The following IDE variants were observed in gnomAD, a reference collection of about 807,000 sequenced individuals.
IDE encodes the protein insulin degrading enzyme, also known as insulin-degrading enzyme.
IDE carries 58 observed loss-of-function variants against 133.2 expected under a neutral mutation model. The observed-to-expected ratio is 0.44, with a 90% CI of 0.35 to 0.54. IDE has a LOEUF of 0.54. IDE is among the 20% of genes least tolerant of loss of function. The pLI, the probability that IDE is intolerant of heterozygous loss-of-function variation, is 0.00. For synonymous variants in IDE, 396 were observed against 421.3 expected (o/e 0.94, Z 0.73); for missense variants, 981 against 1,234.0 (o/e 0.79, Z 3.07).
intron 22 of IDE, among the ~76,000 whole-genome samples, chr10:92,460,901 C>T (rs919914153): frequency 7.2e-5 from 11 of 152,188 alleles, no homozygotes; most frequent in African/African-American, 2.4e-4. Context: ...AGTGCAGTGG[C>T]ATGATCTCCA....
chr10:92,474,733 A>C, intron 17 of IDE, 108 bp downstream of exon 17: 1 of 977,918 alleles, frequency 1.0e-6, no homozygotes, highest in East Asian at 2.7e-5. Flanking sequence ...GCCAGCTTTA[A>C]TAGAACTACA....
rs140884087 is a variant in IDE at position 92,490,554 on chromosome 10, C to T, written c.1472G>A (p.Arg491His). The change falls in exon 12 of 25, where the codon CGC becomes CAC. Residue 491 changes from arginine (R) to histidine (H), a missense_variant. Arg to His is a conservative substitution (Grantham distance 29). This residue lies in a region of IDE where 660 missense variants were observed against 894.7 expected (regional missense o/e 0.74). Transcript: ENST00000265986. ...CTGGGTTCCATACCACTCTTCTGTG[C>T]GATCAGTTTTTCCTTCAAAAGATTT... ...VSKSFEGKTD[R>H]TEEWYGTQYK... 3.2e-5 allele frequency: 52 copies of T among 1,612,834 alleles called. No homozygotes were observed. In the East Asian group the frequency reaches 3.3e-4, roughly 10 times the overall value.
chr10:92,518,070 G>T (rs1272594851), intron 4 of IDE, among the ~76,000 whole-genome samples: 1 of 151,274 alleles, frequency 6.6e-6, no homozygotes, highest in Admixed American at 6.6e-5. Flanking sequence ...AACTCCTTAG[G>T]GAAAAAAAAA....
At chr10:92,508,273 T>C in intron 7 of IDE, 68 bp from the exon 8 acceptor site, 2 of 1,240,324 alleles carry the variant, frequency 1.6e-6, no homozygotes, top group Non-Finnish European at 2.3e-6. Flanking sequence ...AAGAAAAATT[T>C]TAAAAATTCA....
chr10:92,475,382 T>G (rs1846199806), intron 16 of IDE, among the ~76,000 whole-genome samples: 1 of 152,214 alleles, frequency 6.6e-6, no homozygotes, highest in Non-Finnish European at 1.5e-5. Flanking sequence ...TAGTTTCTTC[T>G]AGTATACAAG....
chr10:92,518,780 T>C (rs2135586041), intron 4 of IDE, among the ~76,000 whole-genome samples: 1 of 152,146 alleles, frequency 6.6e-6, no homozygotes, highest in Non-Finnish European at 1.5e-5. Flanking sequence ...AATGAAAAAA[T>C]ACAAGCGGCA....
At chr10:92,487,364 A>G (rs1847064428) in intron 12 of IDE, 46 bp from the exon 13 acceptor site, 3 of 1,552,188 alleles carry the variant, frequency 1.9e-6, no homozygotes, top group African/African-American at 1.4e-5. Flanking sequence ...GTCTGATTTA[A>G]GAGTTTAAAA....
In IDE at chr10:92,474,921, T is replaced by C; in HGVS notation, c.2036A>G (p.His679Arg). The part of the protein sequence containing the change: ...SLNNFRAEQP[H>R]QHAMYYLRLL... Reference sequence around the variant, plus strand: ...GCGGAGGTAGTACATGGCATGCTGGTGAGGCTGTTCAGCCCGGAAATTGTT... The same window carrying C: ...GCGGAGGTAGTACATGGCATGCTGGCGAGGCTGTTCAGCCCGGAAATTGTT... The change falls in exon 17 of 25, where the codon CAC (histidine) becomes CGC (arginine). Residue 679 changes from histidine (H) to arginine (R), a missense_variant. This residue lies in a region of IDE where 660 missense variants were observed against 894.7 expected (regional missense o/e 0.74). Coordinates refer to ENST00000265986, the MANE Select transcript of IDE (RefSeq NM_004969.4). 1 of 1,613,410 alleles carries C rather than the reference T, an allele frequency of 6.2e-7. No individual in the cohort carries two copies. Among genetic ancestry groups the C allele is most frequent in the Non-Finnish European group, 8.5e-7 (1 of 1,179,400 alleles).
Position 92,470,343 on chromosome 10 carries a change from C to T in IDE, c.2119G>A (p.Val707Ile), listed in dbSNP as rs1358711958. The change falls in exon 18 of 25, where the codon GTA becomes ATA. Residue 707 changes from valine (V) to isoleucine (I), a missense_variant and splice_region_variant. Physicochemically the swap from Val to Ile is conservative, Grantham distance 29. Coordinates refer to ENST00000265986, the MANE Select transcript of IDE (RefSeq NM_004969.4). Reference sequence around the variant, plus strand: ...AAGGCCTTAAGGCGAGGAAGGGTTACATCTGCAAAGGTGTAAGAAGACATA... The same window carrying T: ...AAGGCCTTAAGGCGAGGAAGGGTTATATCTGCAAAGGTGTAAGAAGACATA... ...KDELKEALDD[V>I]TLPRLKAFIP... 7 of 1,597,938 alleles carry T rather than the reference C, an allele frequency of 4.4e-6. No individual in the cohort carries two copies. Among genetic ancestry groups the T allele is most frequent in the Non-Finnish European group, 6.0e-6 (7 of 1,170,580 alleles).
chr10:92,466,235 A>G (rs1313620447), intron 19 of IDE, among the ~76,000 whole-genome samples: 1 of 150,530 alleles, frequency 6.6e-6, no homozygotes, highest in Non-Finnish European at 1.5e-5. Flanking sequence ...TGTCTCAAAA[A>G]AAAAAAAAAA....
chr10:92,481,034 G>T, intron 14 of IDE: 2 of 344,582 alleles, frequency 5.8e-6, no homozygotes, highest in Non-Finnish European at 8.2e-6. Flanking sequence ...TAAATGTTCT[G>T]CCATTAAATT....
chr10:92,526,552 G>C (rs1849631362), intron 4 of IDE, among the ~76,000 whole-genome samples: 1 of 152,100 alleles, frequency 6.6e-6, no homozygotes, highest in Non-Finnish European at 1.5e-5. Context: ...CTGGGGCTTA[G>C]AGAAGTTAAG....
chr10:92,546,908 T>C (rs1842554840), intron 1 of IDE, among the ~76,000 whole-genome samples: 1 of 152,142 alleles, frequency 6.6e-6, no homozygotes, highest in Non-Finnish European at 1.5e-5. Flanking sequence ...CCAAACAACT[T>C]CTAATTCAGG....
At chr10:92,534,515 A>T (rs192235638) in intron 3 of IDE, 63 bp downstream of exon 3, 52 of 908,912 alleles carry the variant, frequency 5.7e-5, no homozygotes, top group Middle Eastern at 5.0e-4. Flanking sequence ...TGGAAATAAT[A>T]ATTATTATTA....
At chr10:92,515,256 AGT>A (rs1848840836) in intron 4 of IDE, among the ~76,000 whole-genome samples, 1 of 151,628 alleles carries the variant, frequency 6.6e-6, no homozygotes, top group Admixed American at 6.6e-5. Context: ...CGGAATTAAA[AGT>A]GTCTTTTTTT....
intron 22 of IDE, among the ~76,000 whole-genome samples, chr10:92,459,559 G>A (rs1204540886): frequency 6.6e-6 from 1 of 152,126 alleles, no homozygotes; most frequent in Non-Finnish European, 1.5e-5. Context: ...AACATTAAGG[G>A]ACAATTCTAA....
At chr10:92,571,271 T>G (rs1318246581) in intron 1 of IDE, among the ~76,000 whole-genome samples, 1 of 152,124 alleles carries the variant, frequency 6.6e-6, no homozygotes, top group East Asian at 1.9e-4. Context: ...GACCTCGCCC[T>G]GTCAAAGTGT....
At chr10:92,490,231 C>G (rs762340371) in intron 12 of IDE, among the ~76,000 whole-genome samples, 1 of 152,214 alleles carries the variant, frequency 6.6e-6, no homozygotes, top group Non-Finnish European at 1.5e-5. Flanking sequence ...TGCCCATGTA[C>G]TCTGCACTTT....
At chr10:92,515,122 C>A in intron 4 of IDE, 80 bp from the exon 5 acceptor site, 1 of 1,107,788 alleles carries the variant, frequency 9.0e-7, no homozygotes, top group Non-Finnish European at 1.3e-6. Context: ...ACTGATATTG[C>A]TTAAGATGAA....
Sources: gnomAD v4.1 joint callset for allele counts (sites outside exome capture counted in the v4.1 genomes callset) on GRCh38, gnomAD v4.1.1 for gene constraint, gnomAD v4.1.1 regional missense constraint, MANE v1.5 for transcripts, NCBI Gene and HGNC (gene_info 2026-07-23, HGNC 2026-07-21) for gene names.